The following UTRN variants were observed in gnomAD, a reference collection of about 807,000 sequenced individuals.
UTRN encodes the protein utrophin.
UTRN carries 283 observed loss-of-function variants against 463.9 expected under a neutral mutation model. The ratio of observed to expected loss-of-function variants is 0.61; its 90% CI spans 0.55 to 0.67. The LOEUF (loss-of-function observed/expected upper bound fraction) is 0.67, where lower values mean the gene tolerates loss of function less well. UTRN is among the 30% of genes least tolerant of loss of function. The probability of loss-of-function intolerance (pLI) is 0.00; values close to 1 mark genes in which losing one functional copy is unlikely to be tolerated. For synonymous variants in UTRN, 1,442 were observed against 1,431.5 expected, an observed-to-expected ratio of 1.01 and a Z score of -0.17; for missense variants, 3,922 against 4,084.3, an observed-to-expected ratio of 0.96 and a Z score of 1.08.
In UTRN at chr6:144,700,261, A is replaced by G. The variant is rs748721068; in HGVS notation, c.7809+18A>G. The stretch of plus-strand genomic sequence containing the variant: ...ATTGTAAGGTAAGTGGATAACCTAT[A>G]GTGAGTCGCTTAATTCAAATTCTAG... On this transcript the variant is annotated intron_variant, in intron 53 of 74. Coordinates refer to ENST00000367545, the MANE Select transcript of UTRN (RefSeq NM_007124.3). 9.1e-5 allele frequency: 145 copies of G among 1,597,990 alleles called. No homozygotes were observed. The highest frequency in any genetic ancestry group is 1.2e-4 in the Non-Finnish European group (142 of 1,170,920).
chr6:144,404,319 A>G (rs552111451), intron 3 of UTRN, among the ~76,000 whole-genome samples: 2 of 152,250 alleles, frequency 1.3e-5, no homozygotes, highest in African/African-American at 4.8e-5. Flanking sequence ...TCCAAATCAC[A>G]TGCAGGTGTG....
chr6:144,721,017 G>T (rs1465866413), intron 53 of UTRN, among the ~76,000 whole-genome samples: 1 of 152,026 alleles, frequency 6.6e-6, no homozygotes. Flanking sequence ...GGAAATCTTT[G>T]TTGAAAAATC....
At chr6:144,769,680 A>C (rs1489963664) in intron 58 of UTRN, among the ~76,000 whole-genome samples, 1 of 152,178 alleles carries the variant, frequency 6.6e-6, no homozygotes, top group Non-Finnish European at 1.5e-5. Context: ...CTGGCTCTAC[A>C]TTACCGATGG....
chr6:144,827,947 A>G (rs1780335342), intron 68 of UTRN, among the ~76,000 whole-genome samples: 1 of 152,188 alleles, frequency 6.6e-6, no homozygotes, highest in Non-Finnish European at 1.5e-5. Flanking sequence ...CAGGATTTAG[A>G]TGGTGTAACC....
At chr6:144,357,017 C>T (rs1047186207) in intron 2 of UTRN, among the ~76,000 whole-genome samples, 1 of 152,052 alleles carries the variant, frequency 6.6e-6, no homozygotes, top group Non-Finnish European at 1.5e-5. Flanking sequence ...GTTGGAGACC[C>T]ATAGCCTGTT....
At chr6:144,498,468 G>T (rs1793867792) in intron 33 of UTRN, among the ~76,000 whole-genome samples, 1 of 152,168 alleles carries the variant, frequency 6.6e-6, no homozygotes, top group Non-Finnish European at 1.5e-5. Context: ...TTAAGTTAAA[G>T]TGGTTAATTA....
At chr6:144,432,368 T>C (rs752495560) in intron 9 of UTRN, among the ~76,000 whole-genome samples, 4 of 152,112 alleles carry the variant, frequency 2.6e-5, no homozygotes, top group Non-Finnish European at 5.9e-5. Context: ...CTCTCTCTCT[T>C]TCTGTCACTC....
At chr6:144,346,578 T>C (rs189862169) in intron 2 of UTRN, among the ~76,000 whole-genome samples, 91 of 152,312 alleles carry the variant, frequency 6.0e-4, no homozygotes, top group African/African-American at 2.1e-3. Flanking sequence ...CCCAGCACTT[T>C]GGGAGCCCGA....
At position 144,483,217 on chromosome 6, in the gene UTRN, G is replaced by T. The variant is rs189817146; in HGVS notation, c.3687+829G>T. 1.8e-3 allele frequency among the ~76,000 whole-genome samples: 274 copies of T among 152,254 alleles called. 1 individual carries two copies. Among genetic ancestry groups the T allele is most frequent in the Middle Eastern group, 0.01 (3 of 294 alleles). ...TTGTTCTAAACCAATTTTGTGCTAAGATAAATATATATCATTGAGGCAAGT... is the reference window on the plus strand; with the variant it reads ...TTGTTCTAAACCAATTTTGTGCTAATATAAATATATATCATTGAGGCAAGT... On this transcript the variant is annotated intron_variant, in intron 27 of 74. Coordinates refer to ENST00000367545, the MANE Select transcript of UTRN (RefSeq NM_007124.3).
intron 2 of UTRN, among the ~76,000 whole-genome samples, chr6:144,306,355 G>A (rs1313047960): frequency 1.3e-5 from 2 of 152,020 alleles, no homozygotes; most frequent in African/African-American, 2.4e-5. Flanking sequence ...CACAGTTAGA[G>A]GATAAGAGGT....
intron 67 of UTRN, 25 bp downstream of exon 67, chr6:144,827,411 G>A (rs1158658354): frequency 1.9e-6 from 3 of 1,613,122 alleles, no homozygotes; most frequent in Non-Finnish European, 2.5e-6. Context: ...CCCACGTGCA[G>A]GAGAGGTGTT....
Position 144,325,108 on chromosome 6 carries a change from A to T in UTRN, c.79+33201A>T, listed in dbSNP as rs1311050941. Among the ~76,000 whole-genome samples the T allele has an allele frequency of 5.9e-5, 9 of 152,312 alleles. No homozygotes were observed. The East Asian group carries it at 1.7e-3, about 29-fold the overall frequency. On this transcript the variant is annotated intron_variant, in intron 2 of 74. Transcript: ENST00000367545. ...GAGCATGGCAAGGCTCTGAATAGAC[A>T]TCAGGAAGATTAACTGACACCAGGA...
chr6:144,355,453 C>T (rs1164996566), intron 2 of UTRN, among the ~76,000 whole-genome samples: 1 of 152,194 alleles, frequency 6.6e-6, no homozygotes, highest in Non-Finnish European at 1.5e-5. Flanking sequence ...CCTGCCTCTG[C>T]TTCCCAAAGT....
intron 23 of UTRN, among the ~76,000 whole-genome samples, chr6:144,468,903 G>T (rs928227877): frequency 2.0e-5 from 3 of 152,136 alleles, no homozygotes; most frequent in Non-Finnish European, 4.4e-5. Flanking sequence ...GAGAGTGGAA[G>T]GCAGAGTAGA....
intron 64 of UTRN, among the ~76,000 whole-genome samples, chr6:144,801,510 A>G (rs933920797): frequency 6.6e-6 from 1 of 152,150 alleles, no homozygotes; most frequent in African/African-American, 2.4e-5. Flanking sequence ...CTGTCTTTCT[A>G]TCAAGCTTCT....
intron 22 of UTRN, 34 bp downstream of exon 22, chr6:144,461,376 C>A: frequency 6.9e-7 from 1 of 1,447,618 alleles, no homozygotes; most frequent in Non-Finnish European, 9.2e-7. Context: ...AACTCTAGCG[C>A]TTCTTCTAAT....
chr6:144,559,737 C>G (rs1261566469), intron 50 of UTRN, among the ~76,000 whole-genome samples: 1 of 151,986 alleles, frequency 6.6e-6, no homozygotes, highest in Non-Finnish European at 1.5e-5. Context: ...CCATGATATA[C>G]TGTGTACTGT....
rs1787647574 is a variant in UTRN, at chr6:144,445,910, C to G, written c.1615-1301C>G. Among the ~76,000 whole-genome samples the G allele has an allele frequency of 2.0e-5, 3 of 152,134 alleles. No homozygotes were observed. In the South Asian group the frequency reaches 6.2e-4, roughly 32 times the overall value. On this transcript the variant is annotated intron_variant, in intron 14 of 74. Transcript: ENST00000367545. ...GGCCTGCAGTGGGCACCTGTAATCC[C>G]AGCCACTCAGGAGGCTATGGAGGCA...
intron 2 of UTRN, chr6:144,344,240 T>A (rs142827863): frequency 7.7e-7 from 1 of 1,304,016 alleles, no homozygotes; most frequent in African/African-American, 1.5e-5. Context: ...CCACGTTTCA[T>A]TGGAAAAAGT....
Sources: gnomAD v4.1 joint callset for allele counts (sites outside exome capture counted in the v4.1 genomes callset) on GRCh38, gnomAD v4.1.1 for gene constraint, MANE v1.5 for transcripts, NCBI Gene and HGNC (gene_info 2026-07-23, HGNC 2026-07-21) for gene names.